OXR1: variants seen among roughly 807,000 people sequenced by gnomAD.
The protein encoded by OXR1 is oxidation resistance 1.
Under a neutral mutation model 104.6 loss-of-function variants are expected in OXR1, and 41 were observed. The ratio of observed to expected loss-of-function variants is 0.39; its 90% CI spans 0.31 to 0.51. OXR1 has a LOEUF of 0.51. OXR1 is among the 20% of genes least tolerant of loss of function. The pLI is 0.77. For missense variants in OXR1, 955 were observed against 1,031.9 expected (o/e 0.93, Z 1.02); for synonymous variants, 348 against 348.4 (o/e 1.00, Z 0.01).
At chr8:106,644,127 C>T (rs754587890) in intron 3 of OXR1, among the ~76,000 whole-genome samples, 5 of 152,094 alleles carry the variant, frequency 3.3e-5, no homozygotes, top group Non-Finnish European at 7.4e-5. Flanking sequence ...GATAAATGAT[C>T]GACAGATTCT....
At chr8:106,561,922 C>T (rs566984155) in intron 3 of OXR1, among the ~76,000 whole-genome samples, 1 of 152,242 alleles carries the variant, frequency 6.6e-6, no homozygotes, top group African/African-American at 2.4e-5. Context: ...AAAGGAATAG[C>T]ATCAACATCA....
intron 2 of OXR1, among the ~76,000 whole-genome samples, chr8:106,362,439 T>C (rs1417972934): frequency 6.6e-6 from 1 of 152,210 alleles, no homozygotes; most frequent in Non-Finnish European, 1.5e-5. Flanking sequence ...AAATACCCTG[T>C]ATAAGAAAGT....
At chr8:106,593,427 A>G (rs1443050927) in intron 3 of OXR1, among the ~76,000 whole-genome samples, 1 of 152,242 alleles carries the variant, frequency 6.6e-6, no homozygotes, top group Non-Finnish European at 1.5e-5. Flanking sequence ...AGCACATCAC[A>G]TCTAGCAATA....
intron 2 of OXR1, among the ~76,000 whole-genome samples, chr8:106,380,497 A>T (rs1817098691): frequency 6.6e-6 from 1 of 152,190 alleles, no homozygotes; most frequent in South Asian, 2.1e-4. Context: ...AAATAGAATG[A>T]TTGGTTCACC....
At chr8:106,315,069 G>T (rs560463352) in intron 1 of OXR1, among the ~76,000 whole-genome samples, 1 of 151,810 alleles carries the variant, frequency 6.6e-6, no homozygotes, top group Non-Finnish European at 1.5e-5. Flanking sequence ...TCGAGTGGGC[G>T]TTTATTTGAG....
intron 2 of OXR1, among the ~76,000 whole-genome samples, chr8:106,381,267 T>C (rs1449636013): frequency 6.6e-6 from 1 of 152,156 alleles, no homozygotes; most frequent in Admixed American, 6.5e-5. Flanking sequence ...ACTCATCTTA[T>C]ACGTGTGAGA....
intron 3 of OXR1, among the ~76,000 whole-genome samples, chr8:106,588,884 T>G (rs1291300188): frequency 6.6e-6 from 1 of 152,266 alleles, no homozygotes; most frequent in Non-Finnish European, 1.5e-5. Context: ...GGCAGATTAC[T>G]TAATCTTTCA....
rs114967732 is a variant in OXR1, at chr8:106,471,297, A to G, written c.24-47646A>G. 7.3e-4 allele frequency among the ~76,000 whole-genome samples: 111 copies of G among 151,890 alleles called. 1 individual carries two copies. In the East Asian group the frequency reaches 0.017, roughly 23 times the overall value. On this transcript the variant is annotated intron_variant, in intron 2 of 16. Transcript: ENST00000517566. ...ATTAATAATTTTAATATTAATAATT[A>G]GCAATAATTTATCTGGGAAAGTGTT...
intron 15 of OXR1, among the ~76,000 whole-genome samples, chr8:106,742,970 G>T (rs1295373543): frequency 1.3e-5 from 2 of 152,140 alleles, no homozygotes; most frequent in Non-Finnish European, 2.9e-5. Context: ...AAGAGCTTCT[G>T]TACAGCAAAA....
intron 2 of OXR1, among the ~76,000 whole-genome samples, chr8:106,517,337 A>G (rs867454509): frequency 6.6e-6 from 1 of 152,238 alleles, no homozygotes; most frequent in Middle Eastern, 3.4e-3. Flanking sequence ...TTTTATGAAA[A>G]TCATTCATGT....
intron 3 of OXR1, among the ~76,000 whole-genome samples, chr8:106,585,600 T>C (rs142793253): frequency 2.2e-4 from 33 of 152,258 alleles, no homozygotes; most frequent in African/African-American, 7.2e-4. Flanking sequence ...TGAACATGAA[T>C]GTAGGGCATG....
intron 1 of OXR1, among the ~76,000 whole-genome samples, chr8:106,323,855 A>C (rs995855162): frequency 1.3e-5 from 2 of 152,150 alleles, no homozygotes; most frequent in Admixed American, 6.5e-5. Context: ...AAAAGTAAAA[A>C]AATAATAGAT....
At chr8:106,482,599 A>T (rs2129759711) in intron 2 of OXR1, among the ~76,000 whole-genome samples, 1 of 152,156 alleles carries the variant, frequency 6.6e-6, no homozygotes, top group East Asian at 1.9e-4. Context: ...GTAATTAATA[A>T]ATATGATGTA....
chr8:106,395,035 T>C (rs897681489), intron 2 of OXR1, among the ~76,000 whole-genome samples: 11 of 88,038 alleles, frequency 1.2e-4, no homozygotes, highest in Non-Finnish European at 2.1e-4. Context: ...TGAATAACTT[T>C]AGAAAACATT....
intron 3 of OXR1, among the ~76,000 whole-genome samples, chr8:106,538,908 A>C (rs751219545): frequency 1.3e-5 from 2 of 152,180 alleles, no homozygotes; most frequent in African/African-American, 2.4e-5. Flanking sequence ...TAATCTTAAA[A>C]ACCTTATGCC....
At position 106,745,831 on chromosome 8, in the gene OXR1, G is replaced by A; in HGVS notation, c.2455G>A (p.Asp819Asn). 1 of 1,592,906 alleles carries A rather than the reference G, an allele frequency of 6.3e-7. No individual in the cohort carries two copies. Among genetic ancestry groups the A allele is most frequent in the Non-Finnish European group, 8.6e-7 (1 of 1,162,046 alleles). Residue 819 changes from aspartate (D) to asparagine (N), a missense_variant, in exon 16 of 17, where the codon GAC becomes AAC. Transcript: ENST00000517566. ...TGDNMFFIKGDMDSLAFGGGG... is the reference protein window; with the variant it reads ...TGDNMFFIKGNMDSLAFGGGG... ...AGATAATATGTTTTTTATCAAAGGA[G>A]ACATGGATTCACTAGCTTTCGGTGG... is the stretch of plus-strand genomic sequence containing the variant.
intron 3 of OXR1, among the ~76,000 whole-genome samples, chr8:106,661,667 A>C (rs940626295): frequency 3.9e-5 from 6 of 152,228 alleles, no homozygotes; most frequent in Non-Finnish European, 1.5e-5. Flanking sequence ...TTTTATCATA[A>C]GCGTCCTATT....
intron 1 of OXR1, among the ~76,000 whole-genome samples, chr8:106,287,778 G>A (rs935686166): frequency 2.6e-5 from 4 of 152,112 alleles, no homozygotes; most frequent in Non-Finnish European, 2.9e-5. Context: ...TCTGACCTTT[G>A]TATCTATAAG....
chr8:106,319,197 C>T (rs145706879), intron 1 of OXR1, among the ~76,000 whole-genome samples: 3 of 152,258 alleles, frequency 2.0e-5, no homozygotes, highest in Non-Finnish European at 2.9e-5. Context: ...GAAGTAATTT[C>T]GGGTTGGTGT....
Sources: allele counts gnomAD v4.1 joint callset (sites outside exome capture counted in the v4.1 genomes callset), GRCh38; gene constraint gnomAD v4.1.1; transcripts MANE v1.5; gene names NCBI Gene and HGNC (gene_info 2026-07-23, HGNC 2026-07-21).